The following TAFA5 variants were observed in gnomAD, a reference collection of about 807,000 sequenced individuals.
TAFA5 encodes the protein chemokine-like protein TAFA-5.
Under a neutral mutation model 15.3 loss-of-function variants are expected in TAFA5, and 6 were observed. The observed-to-expected ratio is 0.39, with a 90% CI of 0.21 to 0.77. The LOEUF is 0.77. TAFA5 is among the 30% of genes least tolerant of loss of function. The pLI is 0.41. For missense variants in TAFA5, 161 were observed against 193.1 expected, an observed-to-expected ratio of 0.83 and a Z score of 0.98; for synonymous variants, 103 against 80.7, an observed-to-expected ratio of 1.28 and a Z score of -1.48.
At chr22:48,570,099 T>G (rs1923533713) in intron 1 of TAFA5, among the ~76,000 whole-genome samples, 1 of 152,208 alleles carries the variant, frequency 6.6e-6, no homozygotes. Flanking sequence ...CCTCCCATGC[T>G]GCATCTGCCC....
chr22:48,719,935 A>AGTTT (rs1173999548), intron 3 of TAFA5, among the ~76,000 whole-genome samples: 1 of 152,202 alleles, frequency 6.6e-6, no homozygotes, highest in South Asian at 2.1e-4. Context: ...GGTTTGACCA[A>AGTTT]ACCCACATTA....
intron 1 of TAFA5, among the ~76,000 whole-genome samples, chr22:48,634,275 T>C (rs1479331635): frequency 6.6e-6 from 1 of 152,076 alleles, no homozygotes; most frequent in Non-Finnish European, 1.5e-5. Flanking sequence ...CACTCATCAC[T>C]CACTCATCAC....
At chr22:48,703,798 C>G (rs572205231) in intron 2 of TAFA5, among the ~76,000 whole-genome samples, 1 of 152,228 alleles carries the variant, frequency 6.6e-6, no homozygotes, top group African/African-American at 2.4e-5. Context: ...GACCTGCCCT[C>G]GGACACCACC....
At chr22:48,681,765 G>C (rs935718730) in intron 2 of TAFA5, among the ~76,000 whole-genome samples, 1 of 152,164 alleles carries the variant, frequency 6.6e-6, no homozygotes, top group Non-Finnish European at 1.5e-5. Flanking sequence ...AGTTGAGTTA[G>C]AAGATGGGGT....
chr22:48,745,684 A>C (rs1461406104), intron 3 of TAFA5, among the ~76,000 whole-genome samples: 1 of 152,242 alleles, frequency 6.6e-6, no homozygotes, highest in East Asian at 1.9e-4. Context: ...CTGGGGCAGC[A>C]GCGGTGCCTC....
intron 1 of TAFA5, among the ~76,000 whole-genome samples, chr22:48,522,117 T>C (rs1235562114): frequency 1.4e-5 from 2 of 146,756 alleles, no homozygotes; most frequent in African/African-American, 4.9e-5. Flanking sequence ...AGCAAGGACG[T>C]TGTTTTGTTT....
chr22:48,653,211 A>T (rs913677675), intron 2 of TAFA5, among the ~76,000 whole-genome samples: 10 of 152,202 alleles, frequency 6.6e-5, no homozygotes, highest in Admixed American at 5.2e-4. Context: ...CTTCCCCAGC[A>T]CACCCCTCCG....
intron 2 of TAFA5, 83 bp from the exon 3 acceptor site, chr22:48,707,634 G>T: frequency 6.6e-7 from 1 of 1,521,964 alleles, no homozygotes. Context: ...CCCCCAGCCA[G>T]TGCCAGGACC....
chr22:48,700,537 TGGGTAGG>T (rs892514576), intron 2 of TAFA5, among the ~76,000 whole-genome samples: 63 of 152,154 alleles, frequency 4.1e-4, no homozygotes, highest in African/African-American at 1.3e-3. Context: ...GGGTGCCCCT[TGGGTAGG>T]AAAGGAGGGG....
chr22:48,666,440 A>G (rs540272983), intron 2 of TAFA5, among the ~76,000 whole-genome samples: 14 of 152,254 alleles, frequency 9.2e-5, no homozygotes, highest in Non-Finnish European at 2.1e-4. Flanking sequence ...ACAGGACACC[A>G]TCACTGGACT....
intron 1 of TAFA5, among the ~76,000 whole-genome samples, chr22:48,587,129 G>A (rs1924391251): frequency 1.3e-5 from 2 of 152,230 alleles, no homozygotes; most frequent in East Asian, 1.9e-4. Context: ...GGAAGCCGTC[G>A]TCAGCTGAGA....
At chr22:48,509,972 G>GAAAAA (rs1569163028) in intron 1 of TAFA5, among the ~76,000 whole-genome samples, 2 of 148,370 alleles carry the variant, frequency 1.3e-5, no homozygotes, top group African/African-American at 4.9e-5. Flanking sequence ...AAAAGAAAAA[G>GAAAAA]AAAAAGAAAA....
Position 48,703,183 on chromosome 22 carries a change from CGTGTGGT to C in TAFA5, c.263-4524_263-4518del, listed in dbSNP as rs200300772. Among the ~76,000 whole-genome samples, 638 of 152,154 alleles carry C rather than the reference CGTGTGGT, an allele frequency of 4.2e-3. 9 individuals carry two copies. In the East Asian group the frequency reaches 0.045, roughly 11 times the overall value. On this transcript the variant is annotated intron_variant, in intron 2 of 3. Transcript: ENST00000402357. ...CTGTGTGTGTGCCTGCATGCCTTTGCGTGTGGTGTGTGGTGTATACATGTGTGTGATG... is the reference window on the plus strand; with the variant it reads ...CTGTGTGTGTGCCTGCATGCCTTTGCGTGTGGTGTATACATGTGTGTGATG...
chr22:48,672,026 G>A (rs1187839589), intron 2 of TAFA5, among the ~76,000 whole-genome samples: 1 of 152,210 alleles, frequency 6.6e-6, no homozygotes, highest in African/African-American at 2.4e-5. Context: ...TGTAAAGGGT[G>A]TTTGTAACAC....
intron 1 of TAFA5, among the ~76,000 whole-genome samples, chr22:48,567,039 G>A (rs184154633): frequency 2.0e-5 from 3 of 152,338 alleles, no homozygotes; most frequent in African/African-American, 4.8e-5. Flanking sequence ...CACTTGTGGA[G>A]GGGCCTTTCT....
At chr22:48,544,624 T>C (rs1922591689) in intron 1 of TAFA5, 1 of 456,460 alleles carries the variant, frequency 2.2e-6, no homozygotes, top group Admixed American at 2.4e-5. Context: ...CTAGGTGCCT[T>C]GCATTTCCAC....
intron 1 of TAFA5, among the ~76,000 whole-genome samples, chr22:48,641,519 C>T (rs1394883452): frequency 6.6e-6 from 1 of 151,878 alleles, no homozygotes; most frequent in Non-Finnish European, 1.5e-5. Context: ...CTGATGGTGG[C>T]TGCCCCTCCC....
At chr22:48,670,529 G>A (rs184925608) in intron 2 of TAFA5, among the ~76,000 whole-genome samples, 169 of 152,332 alleles carry the variant, frequency 1.1e-3, no homozygotes, top group African/African-American at 3.7e-3. Flanking sequence ...CCCCACTCCC[G>A]GCCCCGCACT....
intron 2 of TAFA5, among the ~76,000 whole-genome samples, chr22:48,655,666 ACACTTTTAGAC>A (rs1367380607): frequency 6.6e-6 from 1 of 152,086 alleles, no homozygotes; most frequent in Non-Finnish European, 1.5e-5. Flanking sequence ...AATTTAGGGA[ACACTTTTAGAC>A]CACGGCAATT....
Sources: gnomAD v4.1 joint callset for allele counts (sites outside exome capture counted in the v4.1 genomes callset) on GRCh38, gnomAD v4.1.1 for gene constraint, MANE v1.5 for transcripts, NCBI Gene and HGNC (gene_info 2026-07-23, HGNC 2026-07-21) for gene names.